The following WNK1 variants were observed in gnomAD, a reference collection of about 807,000 sequenced individuals.
WNK1 encodes serine/threonine-protein kinase WNK1.
A neutral mutation model predicts 222.8 loss-of-function variants in WNK1; 38 were observed. The ratio of observed to expected loss-of-function variants is 0.17; its 90% CI spans 0.13 to 0.22. The LOEUF is 0.22. WNK1 is among the 10% of genes least tolerant of loss of function. The probability of loss-of-function intolerance (pLI) is 1.00; values close to 1 mark genes in which losing one functional copy is unlikely to be tolerated. For missense variants in WNK1, 2,348 were observed against 2,918.4 expected (o/e 0.80, Z 4.50); for synonymous variants, 1,090 against 1,092.9 (o/e 1.00, Z 0.05).
chr12:755,256 T>G (rs770979165), intron 1 of WNK1, among the ~76,000 whole-genome samples: 4 of 152,214 alleles, frequency 2.6e-5, no homozygotes, highest in Non-Finnish European at 5.9e-5. Flanking sequence ...GGAGCAGGTT[T>G]ATGCTGAAGG....
At chr12:814,203 C>T (rs1004519750) in intron 2 of WNK1, among the ~76,000 whole-genome samples, 8 of 151,938 alleles carry the variant, frequency 5.3e-5, no homozygotes, top group African/African-American at 1.9e-4. Context: ...GTGGCGTGCA[C>T]CTGTAACCCC....
At chr12:815,562 T>C (rs558655338) in intron 2 of WNK1, among the ~76,000 whole-genome samples, 2 of 152,376 alleles carry the variant, frequency 1.3e-5, no homozygotes, top group African/African-American at 4.8e-5. Context: ...TCCATTAGAA[T>C]GTGCTAACTA....
chr12:824,009 C>T (rs557022925), intron 2 of WNK1, among the ~76,000 whole-genome samples: 3 of 148,724 alleles, frequency 2.0e-5, no homozygotes, highest in Non-Finnish European at 4.4e-5. Flanking sequence ...CGGGTTCAAG[C>T]GATTCTCCAA....
At chr12:862,507 A>C (rs1028895900) in intron 8 of WNK1, among the ~76,000 whole-genome samples, 3 of 152,228 alleles carry the variant, frequency 2.0e-5, no homozygotes, top group African/African-American at 7.2e-5. Context: ...ATTTTTACTA[A>C]AGGGAACGCT....
chr12:809,244 T>A (rs866161433), intron 1 of WNK1, among the ~76,000 whole-genome samples: 7 of 76,396 alleles, frequency 9.2e-5, no homozygotes, highest in Non-Finnish European at 5.2e-5. Context: ...AAAAAAAAAA[T>A]TTTTTTTTTT....
At chr12:805,642 CTT>C (rs1333290591) in intron 1 of WNK1, among the ~76,000 whole-genome samples, 6 of 152,108 alleles carry the variant, frequency 3.9e-5, no homozygotes, top group African/African-American at 1.4e-4. Flanking sequence ...ACTGCAGAAA[CTT>C]TAACTGGTAA....
chr12:849,754 T>C (rs1186057253), intron 4 of WNK1, among the ~76,000 whole-genome samples: 1 of 151,990 alleles, frequency 6.6e-6, no homozygotes, highest in Non-Finnish European at 1.5e-5. Context: ...TGTGTGATGT[T>C]CCTCTTCCTG....
At position 882,839 on chromosome 12, in the gene WNK1, C is replaced by T. The variant is rs895621504; in HGVS notation, c.3373-104C>T. On this transcript the variant is annotated intron_variant, in intron 14 of 27. Coordinates refer to ENST00000315939, the MANE Select transcript of WNK1 (RefSeq NM_018979.4). ...TCCAAGGAACAGCGATAACACTATG[C>T]TTCCTTAGACATAAAGTCAAGTGCT... 9 of 772,172 alleles carry T rather than the reference C, an allele frequency of 1.2e-5. No individual in the cohort carries two copies. In the African/African-American group the frequency reaches 1.5e-4, roughly 13 times the overall value. 47.8% of individuals were successfully genotyped at this position (772,172 alleles called of 1,614,324 possible).
intron 6 of WNK1, among the ~76,000 whole-genome samples, chr12:860,072 A>T (rs1951092284): frequency 6.6e-6 from 1 of 152,170 alleles, no homozygotes; most frequent in Non-Finnish European, 1.5e-5. Flanking sequence ...TAGATAGATG[A>T]GATAGATAGG....
rs79772336 is a variant in WNK1 at position 790,090 on chromosome 12, G to A, written c.760-23552G>A. On this transcript the variant is annotated intron_variant, in intron 1 of 27. Coordinates refer to ENST00000315939, the MANE Select transcript of WNK1 (RefSeq NM_018979.4). ...CAAATAAAGGATTATGGTTAGCAAG[G>A]AGGAGGGGGTTTGGGAATGACCCAG... Among the ~76,000 whole-genome samples the A allele has an allele frequency of 4.0e-3, 610 of 152,298 alleles. 4 individuals carry two copies. The highest frequency in any genetic ancestry group is 0.031 in the South Asian group (151 of 4,828).
intron 4 of WNK1, among the ~76,000 whole-genome samples, chr12:847,025 T>C (rs1480121717): frequency 6.6e-6 from 1 of 152,192 alleles, no homozygotes; most frequent in Admixed American, 6.5e-5. Context: ...ACTAGGGGGC[T>C]ATATCTTAGG....
At chr12:776,585 C>A (rs141132708) in intron 1 of WNK1, among the ~76,000 whole-genome samples, 37 of 152,116 alleles carry the variant, frequency 2.4e-4, no homozygotes, top group Non-Finnish European at 5.1e-4. Context: ...TGCGTGCCAC[C>A]GTGCCTGGCT....
chr12:900,336 C>G, intron 25 of WNK1, 140 bp from the exon 26 acceptor site: 1 of 883,170 alleles, frequency 1.1e-6, no homozygotes, highest in Non-Finnish European at 1.8e-6. Context: ...TTAGTGAGGA[C>G]TTTGTTCTTC....
intron 1 of WNK1, among the ~76,000 whole-genome samples, chr12:782,932 C>G (rs146090630): frequency 9.9e-5 from 15 of 151,742 alleles, no homozygotes; most frequent in Non-Finnish European, 7.4e-5. Flanking sequence ...GGGTCTTGCC[C>G]TGTCACCCAG....
At chr12:818,830 T>C (rs1052296317) in intron 2 of WNK1, among the ~76,000 whole-genome samples, 5 of 152,256 alleles carry the variant, frequency 3.3e-5, no homozygotes, top group Admixed American at 1.3e-4. Context: ...TGAATAACAT[T>C]CCATTGCATG....
chr12:859,806 C>T (rs1314295394), intron 6 of WNK1, among the ~76,000 whole-genome samples: 1 of 151,562 alleles, frequency 6.6e-6, no homozygotes, highest in South Asian at 2.1e-4. Context: ...GCCTTAAACT[C>T]CTGAACTCAA....
At chr12:896,836 A>G (rs548588366) in intron 24 of WNK1, 104 bp downstream of exon 24, 1 of 1,295,798 alleles carries the variant, frequency 7.7e-7, no homozygotes, top group South Asian at 1.3e-5. Flanking sequence ...CTAATGTCTC[A>G]TTTCTTTTAA....
intron 1 of WNK1, 73 bp from the exon 2 acceptor site, chr12:813,569 G>A: frequency 6.8e-7 from 1 of 1,478,362 alleles, no homozygotes; most frequent in Non-Finnish European, 9.4e-7. Context: ...TAATGTTTAA[G>A]TGTCTAAGAT....
At chr12:903,044 A>G (rs1955403668) in intron 26 of WNK1, among the ~76,000 whole-genome samples, 1 of 152,018 alleles carries the variant, frequency 6.6e-6, no homozygotes, top group Admixed American at 6.5e-5. Context: ...AGAATTTACA[A>G]CCTCCCTTTG....
Sources: gnomAD v4.1 joint callset for allele counts (sites outside exome capture counted in the v4.1 genomes callset) on GRCh38, gnomAD v4.1.1 for gene constraint, MANE v1.5 for transcripts, NCBI Gene and HGNC (gene_info 2026-07-23, HGNC 2026-07-21) for gene names.